Variants in TTC7B observed in about 807,000 individuals in gnomAD.
The protein encoded by TTC7B is tetratricopeptide repeat protein 7B.
In TTC7B, 28 loss-of-function variants were observed where a neutral mutation model predicts 106.8. The observed-to-expected ratio is 0.26, with a 90% CI of 0.19 to 0.36. The LOEUF (loss-of-function observed/expected upper bound fraction) is 0.36, where lower values mean the gene tolerates loss of function less well. Among genes scored for constraint, TTC7B ranks in the 10% least tolerant of loss-of-function variants. The probability of loss-of-function intolerance (pLI) is 1.00; values close to 1 mark genes in which losing one functional copy is unlikely to be tolerated. For synonymous variants in TTC7B, 405 were observed against 430.6 expected (o/e 0.94, Z 0.74); for missense variants, 862 against 1,076.4 (o/e 0.80, Z 2.79).
intron 3 of TTC7B, among the ~76,000 whole-genome samples, chr14:90,756,160 A>G (rs1047815457): frequency 1.1e-4 from 16 of 152,150 alleles, no homozygotes; most frequent in African/African-American, 3.9e-4. Context: ...GTAGCCTCTG[A>G]GGTCCCCAAC....
At chr14:90,730,461 G>A (rs1042163018) in intron 4 of TTC7B, among the ~76,000 whole-genome samples, 6 of 152,222 alleles carry the variant, frequency 3.9e-5, no homozygotes, top group Non-Finnish European at 7.3e-5. Flanking sequence ...AGCAGGTGGT[G>A]CTGTAAGAAG....
chr14:90,709,766 T>C (rs1005137288), intron 5 of TTC7B, among the ~76,000 whole-genome samples: 1 of 151,250 alleles, frequency 6.6e-6, no homozygotes, highest in Non-Finnish European at 1.5e-5. Context: ...TCTTAAAGAG[T>C]GGTATTATTT....
At chr14:90,670,031 A>C (rs1017086785) in intron 9 of TTC7B, among the ~76,000 whole-genome samples, 2 of 152,270 alleles carry the variant, frequency 1.3e-5, no homozygotes, top group Non-Finnish European at 2.9e-5. Context: ...GGAAAGTCCA[A>C]GGACAGTATT....
At chr14:90,701,796 G>GTGTATA (rs1484823347) in intron 5 of TTC7B, among the ~76,000 whole-genome samples, 13 of 118,918 alleles carry the variant, frequency 1.1e-4, no homozygotes, top group South Asian at 7.7e-4. Context: ...GTGTGTGTGT[G>GTGTATA]TATATATATA....
intron 4 of TTC7B, among the ~76,000 whole-genome samples, chr14:90,743,791 G>A (rs915075494): frequency 6.6e-6 from 1 of 151,808 alleles, no homozygotes; most frequent in Non-Finnish European, 1.5e-5. Flanking sequence ...GGAAAAAATC[G>A]AGGCTGAGAG....
intron 1 of TTC7B, among the ~76,000 whole-genome samples, chr14:90,797,715 G>A (rs1317105272): frequency 1.3e-5 from 2 of 152,134 alleles, no homozygotes; most frequent in African/African-American, 2.4e-5. Flanking sequence ...CCAGTTTTAA[G>A]TGGTTATCCC....
chr14:90,718,834 G>A (rs1340205306), intron 5 of TTC7B, among the ~76,000 whole-genome samples: 3 of 73,040 alleles, frequency 4.1e-5, no homozygotes, highest in Non-Finnish European at 6.9e-5. Context: ...CTGTTCCCAC[G>A]CAAAATTGAC....
intron 17 of TTC7B, among the ~76,000 whole-genome samples, chr14:90,607,072 C>T (rs149983900): frequency 2.2e-4 from 34 of 152,096 alleles, no homozygotes; most frequent in South Asian, 4.2e-4. Flanking sequence ...AGAGAGAGAT[C>T]GAATGAGAAT....
intron 17 of TTC7B, among the ~76,000 whole-genome samples, chr14:90,594,732 A>G (rs1892131503): frequency 6.6e-6 from 1 of 152,214 alleles, no homozygotes; most frequent in South Asian, 2.1e-4. Context: ...AAATAAATGG[A>G]GTTATATTCT....
chr14:90,614,300 T>C (rs1007446951), intron 16 of TTC7B, among the ~76,000 whole-genome samples: 2 of 151,688 alleles, frequency 1.3e-5, no homozygotes, highest in Admixed American at 6.5e-5. Flanking sequence ...AATGAGGACA[T>C]GCTTTATAAA....
chr14:90,598,162 C>A (rs1892287607), intron 17 of TTC7B, among the ~76,000 whole-genome samples: 1 of 152,194 alleles, frequency 6.6e-6, no homozygotes, highest in Non-Finnish European at 1.5e-5. Context: ...TCACAGGACA[C>A]AGGGGCTCTG....
intron 8 of TTC7B, 139 bp downstream of exon 8, chr14:90,680,333 T>C (rs879611935): frequency 8.6e-5 from 54 of 629,768 alleles, no homozygotes; most frequent in Non-Finnish European, 1.2e-4. Context: ...AAACCTCTAC[T>C]GTTTTTTCCC....
chr14:90,543,665 G>C (rs1289581232), intron 19 of TTC7B, among the ~76,000 whole-genome samples: 1 of 152,232 alleles, frequency 6.6e-6, no homozygotes, highest in African/African-American at 2.4e-5. Flanking sequence ...AATTGCACTT[G>C]CATTACCTCT....
At chr14:90,692,232 G>C (rs1887503625) in intron 6 of TTC7B, among the ~76,000 whole-genome samples, 1 of 152,116 alleles carries the variant, frequency 6.6e-6, no homozygotes, top group Non-Finnish European at 1.5e-5. Context: ...TTTTGAAACA[G>C]GGTCTCACTC....
intron 3 of TTC7B, among the ~76,000 whole-genome samples, chr14:90,752,520 C>G (rs1328196088): frequency 2.0e-5 from 3 of 152,178 alleles, no homozygotes; most frequent in African/African-American, 4.8e-5. Context: ...GGTTAGCACC[C>G]CAAATTCTTT....
intron 3 of TTC7B, among the ~76,000 whole-genome samples, chr14:90,779,130 G>A (rs1160716623): frequency 2.6e-5 from 4 of 152,214 alleles, no homozygotes; most frequent in Non-Finnish European, 4.4e-5. Flanking sequence ...CAGAAGGACA[G>A]GAGCCACTCC....
intron 6 of TTC7B, among the ~76,000 whole-genome samples, chr14:90,692,180 T>G (rs1010148735): frequency 1.3e-5 from 2 of 152,224 alleles, no homozygotes; most frequent in African/African-American, 4.8e-5. Flanking sequence ...CGAACATCCA[T>G]GTACAAGTTT....
chr14:90,808,274 G>A lies in TTC7B; in HGVS notation c.121+7901C>T, dbSNP rs1053727849. 7.2e-5 allele frequency among the ~76,000 whole-genome samples: 11 copies of A among 152,220 alleles called. No homozygotes were observed. The highest frequency in any genetic ancestry group is 1.2e-4 in the African/African-American group (5 of 41,524). On this transcript the variant is annotated intron_variant, in intron 1 of 19. Coordinates refer to ENST00000328459, the MANE Select transcript of TTC7B (RefSeq NM_001010854.2). This position sits in a 1 kb window ranked among gnomAD's most constrained non-coding sequence, Gnocchi z 4.2. ...CAGAGTGGGCAACATAGGGAAACCC[G>A]TCTCTACAGAAAAAATGAAGAGAGA...
At chr14:90,779,871 G>C (rs1424431114) in intron 3 of TTC7B, among the ~76,000 whole-genome samples, 6 of 152,162 alleles carry the variant, frequency 3.9e-5, no homozygotes, top group East Asian at 3.9e-4. Context: ...CGTTCTTCTT[G>C]TCCCTGAATA....
Sources: allele counts gnomAD v4.1 joint callset (sites outside exome capture counted in the v4.1 genomes callset), GRCh38; gene constraint gnomAD v4.1.1; non-coding constraint Gnocchi (gnomAD v3.1); transcripts MANE v1.5; gene names NCBI Gene and HGNC (gene_info 2026-07-23, HGNC 2026-07-21).